CMTM8: variants seen among roughly 807,000 people sequenced by gnomAD.
The protein encoded by CMTM8 is CKLF like MARVEL transmembrane domain containing 8.
In CMTM8, 12 loss-of-function variants were observed where a neutral mutation model predicts 18.6. That is an observed-to-expected ratio of 0.65 (90% CI 0.41 to 1.05). The LOEUF (loss-of-function observed/expected upper bound fraction) is 1.05. Ranked by LOEUF, CMTM8 falls within the 50% of genes least tolerant of loss-of-function variation. CMTM8 has a pLI of 0.00. For synonymous variants in CMTM8, 87 were observed against 90.6 expected (o/e 0.96, Z 0.23); for missense variants, 217 against 227.2 (o/e 0.95, Z 0.29).
At chr3:32,368,168 G>A (rs555610455) in intron 3 of CMTM8, among the ~76,000 whole-genome samples, 180 bp downstream of exon 3, 333 of 152,310 alleles carry the variant, frequency 2.2e-3, no homozygotes, top group Non-Finnish European at 3.5e-3. Flanking sequence ...CTCCTGGCCC[G>A]AAGTGGGAAA....
intron 1 of CMTM8, among the ~76,000 whole-genome samples, chr3:32,314,910 A>T (rs959524119): frequency 4.1e-4 from 19 of 46,076 alleles, no homozygotes; most frequent in African/African-American, 1.5e-3. Flanking sequence ...AGCCTTGTAC[A>T]CAGATCTTTA....
chr3:32,289,248 TCTC>T (rs1430619062), intron 1 of CMTM8, among the ~76,000 whole-genome samples: 1 of 152,190 alleles, frequency 6.6e-6, no homozygotes, highest in Non-Finnish European at 1.5e-5. Flanking sequence ...TAATTTAAAA[TCTC>T]CTGATTAACC....
chr3:32,321,854 C>T (rs1377856045), intron 1 of CMTM8, among the ~76,000 whole-genome samples: 1 of 152,226 alleles, frequency 6.6e-6, no homozygotes, highest in African/African-American at 2.4e-5. Context: ...CCGCCTTGGC[C>T]TCCCAAGGTG....
At chr3:32,351,777 A>G (rs1433876402) in intron 1 of CMTM8, among the ~76,000 whole-genome samples, 1 of 152,198 alleles carries the variant, frequency 6.6e-6, no homozygotes. Flanking sequence ...TTTGAAAAAT[A>G]AAACTGGGTG....
rs549597015 is a variant in CMTM8, at chr3:32,354,360, G to A, written c.148-3013G>A. On this transcript the variant is annotated intron_variant, in intron 1 of 3. Coordinates refer to ENST00000307526, the MANE Select transcript of CMTM8 (RefSeq NM_178868.5). Reference sequence around the variant, plus strand: ...TCAGTTACCTAGGAAATTCACTTGGGTAGAACAATTCTTTTCTTGACAGAG... The same window carrying A: ...TCAGTTACCTAGGAAATTCACTTGGATAGAACAATTCTTTTCTTGACAGAG... Among the ~76,000 whole-genome samples, 24 of 152,242 alleles carry A rather than the reference G, an allele frequency of 1.6e-4. No homozygotes were observed. In the South Asian group the frequency reaches 4.8e-3, roughly 30 times the overall value.
At chr3:32,299,083 C>A (rs1349064043) in intron 1 of CMTM8, among the ~76,000 whole-genome samples, 2 of 151,444 alleles carry the variant, frequency 1.3e-5, no homozygotes, top group African/African-American at 2.4e-5. Flanking sequence ...ACACTGTGCC[C>A]CGCTCAGATT....
At chr3:32,241,426 G>A (rs1219520625) in intron 1 of CMTM8, among the ~76,000 whole-genome samples, 1 of 152,090 alleles carries the variant, frequency 6.6e-6, no homozygotes, top group African/African-American at 2.4e-5. Flanking sequence ...TTGAATTTTG[G>A]TCTTTTCCCA....
intron 1 of CMTM8, among the ~76,000 whole-genome samples, chr3:32,335,615 G>C (rs1054942584): frequency 7.9e-5 from 12 of 152,208 alleles, no homozygotes; most frequent in Non-Finnish European, 1.3e-4. Context: ...GCTTGCAGCT[G>C]TGGGGGCAAA....
chr3:32,344,961 T>TA, intron 1 of CMTM8, among the ~76,000 whole-genome samples: 1 of 152,032 alleles, frequency 6.6e-6, no homozygotes, highest in African/African-American at 2.4e-5. Context: ...GATGTGAGGG[T>TA]AGGAGGGTAC....
At chr3:32,246,413 C>T (rs538650379) in intron 1 of CMTM8, among the ~76,000 whole-genome samples, 134 of 152,232 alleles carry the variant, frequency 8.8e-4, no homozygotes, top group African/African-American at 1.3e-3. Flanking sequence ...TAGCAGCTCT[C>T]GGCACACTGC....
intron 1 of CMTM8, among the ~76,000 whole-genome samples, chr3:32,264,403 T>C (rs1218323863): frequency 6.6e-6 from 1 of 152,192 alleles, no homozygotes; most frequent in Non-Finnish European, 1.5e-5. Context: ...AAGCAAATGC[T>C]GAGCGATTTT....
intron 1 of CMTM8, among the ~76,000 whole-genome samples, chr3:32,240,621 G>C (rs1559359097): frequency 6.6e-6 from 1 of 152,138 alleles, no homozygotes; most frequent in Non-Finnish European, 1.5e-5. Flanking sequence ...AGAAATGTAA[G>C]TGGCCCACAA....
rs557435785 is a variant in CMTM8, at chr3:32,362,153, G to C, written c.321+4607G>C. Among the ~76,000 whole-genome samples the C allele has an allele frequency of 1.0e-3, 147 of 143,462 alleles. No individual in the cohort carries two copies. In the South Asian group the frequency reaches 0.019, roughly 18 times the overall value. 94.1% of individuals were successfully genotyped at this position (143,462 alleles called of 152,430 possible). Reference sequence around the variant, plus strand: ...CCTCCCGGGTTCAAACAATTCTCCTGCTTCAGCCTCCTGAGTATCTGGGAT... The same window carrying C: ...CCTCCCGGGTTCAAACAATTCTCCTCCTTCAGCCTCCTGAGTATCTGGGAT... On this transcript the variant is annotated intron_variant, in intron 2 of 3. Coordinates refer to ENST00000307526, the MANE Select transcript of CMTM8 (RefSeq NM_178868.5).
At chr3:32,368,131 T>C (rs1461914028) in intron 3 of CMTM8, 143 bp downstream of exon 3, 7 of 652,930 alleles carry the variant, frequency 1.1e-5, no homozygotes, top group African/African-American at 7.2e-5. Flanking sequence ...TTTGAAAATA[T>C]CTAAAACTGG....
chr3:32,281,649 A>C (rs1392738273), intron 1 of CMTM8, among the ~76,000 whole-genome samples: 1 of 151,860 alleles, frequency 6.6e-6, no homozygotes, highest in Non-Finnish European at 1.5e-5. Flanking sequence ...TTTATTTCCT[A>C]ATTCCTCTCA....
intron 1 of CMTM8, among the ~76,000 whole-genome samples, chr3:32,301,370 G>A (rs115960465): frequency 0.48 from 72,085 of 151,200 alleles, 17,435 homozygotes; most frequent in Admixed American, 0.59. Context: ...TTTGACAGCT[G>A]TATATATATA....
intron 1 of CMTM8, among the ~76,000 whole-genome samples, chr3:32,243,501 A>G (rs1368260974): frequency 2.0e-5 from 3 of 150,854 alleles, no homozygotes; most frequent in Non-Finnish European, 4.4e-5. Flanking sequence ...ACTGCATTCC[A>G]ACCTGGGTAA....
rs1047451955 is a variant in CMTM8, at chr3:32,264,224, G to A, written c.147+25105G>A. Among the ~76,000 whole-genome samples, 3 of 152,350 alleles carry A rather than the reference G, an allele frequency of 2.0e-5. No individual in the cohort carries two copies. In the East Asian group the frequency reaches 5.8e-4, roughly 29 times the overall value. On this transcript the variant is annotated intron_variant, in intron 1 of 3. Transcript: ENST00000307526. ...AGAAAGGTCGGGTTACCCACGAGGG[G>A]AAGCCCATCAGACTAACAGCTGCTC... is the stretch of plus-strand genomic sequence containing the variant.
intron 1 of CMTM8, among the ~76,000 whole-genome samples, chr3:32,249,815 C>T (rs917988771): frequency 2.6e-5 from 4 of 152,120 alleles, no homozygotes; most frequent in African/African-American, 9.7e-5. Flanking sequence ...AAGTATTTTT[C>T]TCCCATTCTG....
Sources: gnomAD v4.1 joint callset for allele counts (sites outside exome capture counted in the v4.1 genomes callset) on GRCh38, gnomAD v4.1.1 for gene constraint, MANE v1.5 for transcripts, NCBI Gene and HGNC (gene_info 2026-07-23, HGNC 2026-07-21) for gene names.